The following TCEA1 variants were observed in gnomAD, a reference collection of about 807,000 sequenced individuals.
TCEA1 encodes the protein transcription elongation factor A protein 1.
Under a neutral mutation model 43.8 loss-of-function variants are expected in TCEA1, and 21 were observed. The ratio of observed to expected loss-of-function variants is 0.48; its 90% CI spans 0.34 to 0.69. The LOEUF (loss-of-function observed/expected upper bound fraction) is 0.69, where lower values mean the gene tolerates loss of function less well. Ranked by LOEUF, TCEA1 falls within the 30% of genes least tolerant of loss-of-function variation. The probability of loss-of-function intolerance (pLI) is 0.01; values close to 1 mark genes in which losing one functional copy is unlikely to be tolerated. For missense variants in TCEA1, 250 were observed against 365.1 expected (o/e 0.68, Z 2.57); for synonymous variants, 104 against 117.5 (o/e 0.88, Z 0.75).
chr8:54,007,031 C>T lies in TCEA1; in HGVS notation c.126+3399G>A, dbSNP rs556701364. On this transcript the variant is annotated intron_variant, in intron 2 of 9. Coordinates refer to ENST00000521604, the MANE Select transcript of TCEA1 (RefSeq NM_006756.4). Reference sequence around the variant, plus strand: ...AATTTTTTTGTATTTTTAATAGAGACGGGGTTTCACCATGTTGGCCAGTTG... The same window carrying T: ...AATTTTTTTGTATTTTTAATAGAGATGGGGTTTCACCATGTTGGCCAGTTG... 5.9e-5 allele frequency among the ~76,000 whole-genome samples: 9 copies of T among 152,122 alleles called. No homozygotes were observed. The East Asian group carries it at 1.2e-3, about 20-fold the overall frequency.
intron 2 of TCEA1, among the ~76,000 whole-genome samples, chr8:54,004,830 G>A (rs536923110): frequency 2.6e-4 from 39 of 151,180 alleles, no homozygotes; most frequent in African/African-American, 9.5e-4. Flanking sequence ...CTTTTAATAA[G>A]TTCCAAGACA....
intron 8 of TCEA1, among the ~76,000 whole-genome samples, chr8:53,977,325 A>C (rs1803365260): frequency 6.6e-6 from 1 of 152,230 alleles, no homozygotes; most frequent in Non-Finnish European, 1.5e-5. Flanking sequence ...GTCTCAAAGA[A>C]AAAGGAAAAC....
chr8:54,013,629 C>A (rs1245276484), intron 1 of TCEA1, among the ~76,000 whole-genome samples: 2 of 140,732 alleles, frequency 1.4e-5, no homozygotes, highest in African/African-American at 2.7e-5. Context: ...TGCAGTGAGC[C>A]GAGATCGTGC....
At chr8:53,996,903 C>CTGTTTTTTTTTTTTTTTTT (rs1804072546) in intron 3 of TCEA1, among the ~76,000 whole-genome samples, 1 of 116,626 alleles carries the variant, frequency 8.6e-6, no homozygotes, top group African/African-American at 3.7e-5. Context: ...AGAAGGTTGT[C>CTGTTTTTTTTTTTTTTTTT]TTTTTTTTTT....
At chr8:54,020,743 G>A (rs1804996496) in intron 1 of TCEA1, among the ~76,000 whole-genome samples, 1 of 152,186 alleles carries the variant, frequency 6.6e-6, no homozygotes, top group Non-Finnish European at 1.5e-5. Context: ...TAACTCCAAA[G>A]TGCTGTACAA....
intron 1 of TCEA1, among the ~76,000 whole-genome samples, chr8:54,017,658 C>T (rs1804877540): frequency 6.6e-6 from 1 of 152,080 alleles, no homozygotes; most frequent in African/African-American, 2.4e-5. Context: ...CAGTGGCTCA[C>T]GCCTGTAATC....
intron 2 of TCEA1, among the ~76,000 whole-genome samples, chr8:54,007,067 C>T (rs1333295625): frequency 1.3e-5 from 2 of 152,054 alleles, no homozygotes; most frequent in Admixed American, 1.3e-4. Context: ...GTCTCAAACT[C>T]CTGAGCTCAA....
At chr8:54,017,421 A>AC (rs1804868041) in intron 1 of TCEA1, among the ~76,000 whole-genome samples, 1 of 152,180 alleles carries the variant, frequency 6.6e-6, no homozygotes, top group Non-Finnish European at 1.5e-5. Flanking sequence ...GACCTTTACG[A>AC]CGACACATTT....
At chr8:54,002,397 AG>A (rs1277604802) in intron 2 of TCEA1, among the ~76,000 whole-genome samples, 4 of 151,428 alleles carry the variant, frequency 2.6e-5, no homozygotes, top group Non-Finnish European at 5.9e-5. Flanking sequence ...TGAACCCGGG[AG>A]GTAGAGGTTG....
At chr8:53,986,858 C>T in intron 6 of TCEA1, 111 bp downstream of exon 6, 2 of 753,484 alleles carry the variant, frequency 2.7e-6, no homozygotes, top group East Asian at 2.8e-5. Flanking sequence ...GATGAGAGCA[C>T]CTAATTCATT....
chr8:53,993,231 C>A (rs1803937616), intron 4 of TCEA1: 2 of 151,154 alleles, frequency 1.3e-5, no homozygotes, highest in South Asian at 4.2e-4. Context: ...CCTCAGCTTC[C>A]CAAAGTGAGC....
chr8:53,980,068 G>A (rs946977307), intron 7 of TCEA1, among the ~76,000 whole-genome samples: 6 of 152,086 alleles, frequency 3.9e-5, no homozygotes, highest in East Asian at 1.9e-4. Flanking sequence ...CCGCAATAGC[G>A]CAGTCTCAGT....
At chr8:53,980,882 A>G (rs1803479951) in intron 7 of TCEA1, among the ~76,000 whole-genome samples, 1 of 152,256 alleles carries the variant, frequency 6.6e-6, no homozygotes, top group Admixed American at 6.5e-5. Context: ...CAGTTAGCCA[A>G]ATTGTGAATG....
intron 8 of TCEA1, among the ~76,000 whole-genome samples, chr8:53,978,005 ATTC>A (rs1422977820): frequency 6.6e-6 from 1 of 152,200 alleles, no homozygotes; most frequent in East Asian, 1.9e-4. Flanking sequence ...CATTTTATTA[ATTC>A]TTATATTTTA....
chr8:54,018,383 C>A (rs989958088), intron 1 of TCEA1, among the ~76,000 whole-genome samples: 4 of 152,172 alleles, frequency 2.6e-5, no homozygotes, highest in Admixed American at 6.5e-5. Context: ...CAAAGAAAGG[C>A]AACCTCAGAT....
chr8:53,975,126 C>CAAAT (rs10649043), intron 8 of TCEA1, among the ~76,000 whole-genome samples: 78,578 of 151,496 alleles, frequency 0.52, 22,729 homozygotes, highest in African/African-American at 0.77. Flanking sequence ...TTATACATCT[C>CAAAT]AAACTATTCT....
intron 1 of TCEA1, among the ~76,000 whole-genome samples, chr8:54,015,910 C>T (rs1804807729): frequency 6.6e-6 from 1 of 152,050 alleles, no homozygotes; most frequent in African/African-American, 2.4e-5. Context: ...TGCAAATGGC[C>T]ACAAAGCAAT....
In TCEA1 at chr8:53,984,428, T is replaced by C. The variant is rs770305078; in HGVS notation, c.613A>G (p.Asn205Asp). The C allele has an allele frequency of 1.2e-5, 20 of 1,604,380 alleles. No individual in the cohort carries two copies. In the East Asian group the frequency reaches 3.8e-4, roughly 30 times the overall value. Residue 205 changes from asparagine to aspartate, a missense_variant, in exon 7 of 10, where the codon AAT becomes GAT. Physicochemically the swap from Asn to Asp is conservative, Grantham distance 23. Transcript: ENST00000521604. ...ISNLKDAKNP[N>D]LRKNVLCGNI... Reference sequence around the variant, plus strand: ...CCACAGAGGACATTTTTCCTTAAATTTGGATTTTTTGCATCTTTAAGATTT... The same window carrying C: ...CCACAGAGGACATTTTTCCTTAAATCTGGATTTTTTGCATCTTTAAGATTT...
intron 1 of TCEA1, among the ~76,000 whole-genome samples, chr8:54,011,964 T>A (rs1340549313): frequency 6.6e-6 from 1 of 152,214 alleles, no homozygotes; most frequent in Non-Finnish European, 1.5e-5. Context: ...CTCCTAATCT[T>A]AAAATTCTAT....
Sources: gnomAD v4.1 joint callset for allele counts (sites outside exome capture counted in the v4.1 genomes callset) on GRCh38, gnomAD v4.1.1 for gene constraint, MANE v1.5 for transcripts, NCBI Gene and HGNC (gene_info 2026-07-23, HGNC 2026-07-21) for gene names.